DHX35: variants seen among roughly 807,000 people sequenced by gnomAD.
DHX35 encodes the protein DEAH-box helicase 35.
A neutral mutation model predicts 99.6 loss-of-function variants in DHX35; 84 were observed. The observed-to-expected ratio is 0.84, with a 90% CI of 0.71 to 1.01. DHX35 has a LOEUF of 1.01. Ranked by LOEUF, DHX35 falls within the 50% of genes least tolerant of loss-of-function variation. The pLI is 0.00. For synonymous variants in DHX35, 331 were observed against 316.2 expected, an observed-to-expected ratio of 1.05 and a Z score of -0.50; for missense variants, 852 against 888.5, an observed-to-expected ratio of 0.96 and a Z score of 0.52.
At chr20:39,000,256 G>T (rs1282665465) in intron 8 of DHX35, among the ~76,000 whole-genome samples, 1 of 152,194 alleles carries the variant, frequency 6.6e-6, no homozygotes, top group Non-Finnish European at 1.5e-5. Context: ...CTATCAGATT[G>T]CAATCTGCAG....
chr20:39,010,447 G>T (rs1344325002), intron 13 of DHX35, 43 bp downstream of exon 13: 16 of 1,607,744 alleles, frequency 1.0e-5, no homozygotes, highest in African/African-American at 1.3e-5. Context: ...AGGCTAGGGA[G>T]CTCACAGGGG....
chr20:39,009,217 A>G (rs549154155), intron 12 of DHX35, among the ~76,000 whole-genome samples: 14 of 152,268 alleles, frequency 9.2e-5, no homozygotes, highest in African/African-American at 3.4e-4. Context: ...TTATCCTATC[A>G]AGAAGCTGTA....
At chr20:38,965,075 T>C (rs1436632918) in intron 1 of DHX35, among the ~76,000 whole-genome samples, 1 of 147,930 alleles carries the variant, frequency 6.8e-6, no homozygotes. Context: ...ATTAGAACTT[T>C]GGAGGCCTAG....
At chr20:38,996,646 C>T (rs903510784) in intron 8 of DHX35, among the ~76,000 whole-genome samples, 1 of 152,150 alleles carries the variant, frequency 6.6e-6, no homozygotes, top group African/African-American at 2.4e-5. Flanking sequence ...GCTCCTGGCT[C>T]CTAGTCTCCC....
intron 1 of DHX35, among the ~76,000 whole-genome samples, chr20:38,965,368 T>C (rs950438254): frequency 2.0e-5 from 3 of 152,366 alleles, no homozygotes; most frequent in South Asian, 4.1e-4. Flanking sequence ...GAAGCTGATA[T>C]AAGGCTAGAC....
intron 3 of DHX35, among the ~76,000 whole-genome samples, chr20:38,982,181 CTTTA>C (rs73622051): frequency 0.34 from 51,269 of 151,678 alleles, 8,713 homozygotes; most frequent in Middle Eastern, 0.51. Flanking sequence ...TTGAGCCTTT[CTTTA>C]TTTATAACTT....
chr20:38,974,035 GTGCACATTCTCC>G (rs2086040578), intron 3 of DHX35, among the ~76,000 whole-genome samples: 1 of 152,196 alleles, frequency 6.6e-6, no homozygotes, highest in Admixed American at 6.5e-5. Context: ...GTGAACGTAT[GTGCACATTCTCC>G]TGCTGGGCTC....
intron 13 of DHX35, among the ~76,000 whole-genome samples, chr20:39,013,592 C>T (rs889213625): frequency 6.6e-6 from 1 of 152,152 alleles, no homozygotes; most frequent in Non-Finnish European, 1.5e-5. Context: ...GACTGGAAAT[C>T]GGGCCAGGAA....
At chr20:39,009,906 G>T (rs1052325475) in intron 12 of DHX35, among the ~76,000 whole-genome samples, 1 of 152,124 alleles carries the variant, frequency 6.6e-6, no homozygotes, top group East Asian at 1.9e-4. Flanking sequence ...TCTTGAAATT[G>T]TTCTTTGCTT....
intron 13 of DHX35, among the ~76,000 whole-genome samples, chr20:39,012,005 T>C (rs1222850547): frequency 1.3e-5 from 2 of 152,158 alleles, no homozygotes; most frequent in South Asian, 2.1e-4. Context: ...CCCAGCACTT[T>C]GGGAGGCCGA....
chr20:38,985,404 G>GA (rs2086235752), intron 4 of DHX35, among the ~76,000 whole-genome samples: 1 of 136,490 alleles, frequency 7.3e-6, no homozygotes, highest in African/African-American at 2.7e-5. Context: ...AAGGCTTAAA[G>GA]AAAAGGAAGT....
intron 14 of DHX35, among the ~76,000 whole-genome samples, chr20:39,017,063 G>C (rs1026788714): frequency 1.3e-5 from 2 of 152,040 alleles, no homozygotes. Flanking sequence ...CCATTTATCT[G>C]TATTTTTCTT....
chr20:39,028,286 A>G (rs534592566), intron 18 of DHX35, 132 bp from the exon 19 acceptor site: 203 of 851,902 alleles, frequency 2.4e-4, no homozygotes, highest in South Asian at 1.3e-3. Context: ...GGCTGGAGCC[A>G]TTTCAGGAGA....
chr20:39,002,994 G>A (rs1016009596), intron 10 of DHX35, 126 bp downstream of exon 10: 2 of 828,940 alleles, frequency 2.4e-6, no homozygotes, highest in Non-Finnish European at 3.7e-6. Flanking sequence ...CCATAATTGT[G>A]TAGAAAATTG....
At chr20:39,024,079 A>G (rs1415407707) in intron 17 of DHX35, among the ~76,000 whole-genome samples, 2 of 152,248 alleles carry the variant, frequency 1.3e-5, no homozygotes, top group Admixed American at 6.5e-5. Flanking sequence ...CAGAAAGGCA[A>G]CATTTGAATA....
intron 13 of DHX35, 134 bp from the exon 14 acceptor site, chr20:39,014,746 C>T: frequency 9.1e-7 from 1 of 1,099,146 alleles, no homozygotes; most frequent in South Asian, 1.4e-5. Flanking sequence ...GTGCCAACAG[C>T]AAGAACAGAA....
chr20:38,986,755 G>A (rs541066975), intron 4 of DHX35, among the ~76,000 whole-genome samples: 1 of 152,202 alleles, frequency 6.6e-6, no homozygotes. Context: ...GCAGAGCAAT[G>A]TAGGATAACT....
chr20:39,019,123 T>C (rs2086833788), intron 15 of DHX35, among the ~76,000 whole-genome samples: 1 of 152,120 alleles, frequency 6.6e-6, no homozygotes. Context: ...TTCTAGAACT[T>C]TTTCCATCTT....
At chr20:39,015,738 G>T (rs2086774817) in intron 14 of DHX35, among the ~76,000 whole-genome samples, 1 of 151,914 alleles carries the variant, frequency 6.6e-6, no homozygotes, top group Non-Finnish European at 1.5e-5. Context: ...CAAATTCAGA[G>T]GCTTTTAGCA....
Sources: allele counts gnomAD v4.1 joint callset (sites outside exome capture counted in the v4.1 genomes callset), GRCh38; gene constraint gnomAD v4.1.1; transcripts MANE v1.5; gene names NCBI Gene and HGNC (gene_info 2026-07-23, HGNC 2026-07-21).